The following MGST1 variants were observed in gnomAD, a reference collection of about 807,000 sequenced individuals.
MGST1 encodes glutathione S-transferase 12.
Under a neutral mutation model 8.9 loss-of-function variants are expected in MGST1, and 5 were observed. That is an observed-to-expected ratio of 0.56 (90% confidence interval 0.29 to 1.19). The LOEUF is 1.19. MGST1 is among the 50% of genes most tolerant of loss of function. MGST1 has a pLI of 0.08. For synonymous variants in MGST1, 54 were observed against 67.8 expected (o/e 0.80, Z 1.00); for missense variants, 182 against 187.4 (o/e 0.97, Z 0.17).
chr12:16,564,758 A>G (rs1942531475), intron 4 of MGST1, among the ~76,000 whole-genome samples: 2 of 152,204 alleles, frequency 1.3e-5, no homozygotes, highest in African/African-American at 2.4e-5. Context: ...TAGTCAAGCA[A>G]TCCTCATTTA....
chr12:16,521,322 G>A, intron 4 of MGST1, among the ~76,000 whole-genome samples: 1 of 152,046 alleles, frequency 6.6e-6, no homozygotes, highest in East Asian at 1.9e-4. Flanking sequence ...GAAGTACAAT[G>A]TTTTGAACTT....
At chr12:16,432,774 C>T (rs1182228493) in intron 1 of MGST1, among the ~76,000 whole-genome samples, 1 of 147,696 alleles carries the variant, frequency 6.8e-6, no homozygotes, top group Non-Finnish European at 1.5e-5. Flanking sequence ...GGAAAAGAAT[C>T]AATAGGCTGT....
At chr12:16,480,703 A>G (rs1941358269) in intron 4 of MGST1, among the ~76,000 whole-genome samples, 5 of 152,174 alleles carry the variant, frequency 3.3e-5, no homozygotes, top group Admixed American at 3.3e-4. Context: ...TCTGTAAGGG[A>G]TCAGGTAGTA....
At chr12:16,418,172 A>C (rs1940802643) in intron 1 of MGST1, among the ~76,000 whole-genome samples, 1 of 152,200 alleles carries the variant, frequency 6.6e-6, no homozygotes, top group Non-Finnish European at 1.5e-5. Flanking sequence ...ACACTTAATC[A>C]TCAAAACAAC....
chr12:16,446,595 A>T (rs1020066235), intron 4 of MGST1, among the ~76,000 whole-genome samples: 4 of 151,850 alleles, frequency 2.6e-5, no homozygotes, highest in African/African-American at 9.7e-5. Context: ...CAACCTTACC[A>T]GTCCTGTGTT....
intron 4 of MGST1, among the ~76,000 whole-genome samples, chr12:16,448,462 C>T (rs946406158): frequency 4.0e-5 from 6 of 151,548 alleles, no homozygotes; most frequent in Non-Finnish European, 5.9e-5. Flanking sequence ...ATGATGCACA[C>T]GAGATTATCA....
chr12:16,504,599 T>A (rs1166956690), intron 4 of MGST1, among the ~76,000 whole-genome samples: 1 of 152,146 alleles, frequency 6.6e-6, no homozygotes, highest in African/African-American at 2.4e-5. Context: ...ATAAAGCTAA[T>A]GGGGAGATTA....
chr12:16,356,454 A>T (rs1246397185), intron 2 of MGST1, among the ~76,000 whole-genome samples: 1 of 152,142 alleles, frequency 6.6e-6, no homozygotes, highest in African/African-American at 2.4e-5. Flanking sequence ...TGTTGAGGAA[A>T]ACTGATGGGC....
rs969680982 is a variant in MGST1 at position 16,362,151 on chromosome 12, A to G, written c.222-1644A>G. 2.6e-5 allele frequency among the ~76,000 whole-genome samples: 4 copies of G among 152,186 alleles called. No homozygotes were observed. The highest frequency in any genetic ancestry group is 6.5e-5 in the Admixed American group (1 of 15,280). ...TCTGTGATGCTGGGGGAGAAATCAC[A>G]GGGGCAAAACAAATACTCTAGGTGT... On this transcript the variant is annotated intron_variant, in intron 3 of 3. Transcript: ENST00000396210. This position sits in a 1 kb window ranked among gnomAD's most constrained non-coding sequence, Gnocchi z 4.4.
rs1219044115 is a variant in MGST1 at position 16,555,173 on chromosome 12, T to TGA, written n.483-34355_483-34354insGA. Among the ~76,000 whole-genome samples the TGA allele has an allele frequency of 6.6e-6, 1 of 152,246 alleles. No homozygotes were observed. Among genetic ancestry groups the TGA allele is most frequent in the African/African-American group, 2.4e-5 (1 of 41,468 alleles). On this transcript the variant is annotated intron_variant and non_coding_transcript_variant, in intron 4 of 4. Coordinates refer to the MGST1 transcript ENST00000538857. This position sits in a 1 kb window ranked among gnomAD's most constrained non-coding sequence, Gnocchi z 5.5. ...ACTTTATCAGAATTTGCTATCATTA[T>TGA]TATTTGGTAATGATAATCTTTTCAC...
intron 4 of MGST1, among the ~76,000 whole-genome samples, chr12:16,496,992 T>C (rs529092690): frequency 6.6e-6 from 1 of 152,260 alleles, no homozygotes; most frequent in South Asian, 2.1e-4. Flanking sequence ...AGCTATTAAT[T>C]GGCACTGCTA....
At chr12:16,480,350 C>T (rs1941356440) in intron 4 of MGST1, among the ~76,000 whole-genome samples, 1 of 151,832 alleles carries the variant, frequency 6.6e-6, no homozygotes, top group Non-Finnish European at 1.5e-5. Flanking sequence ...ACCATGTTGG[C>T]CAGGATGGTC....
At chr12:16,507,950 A>T (rs1264281381) in intron 4 of MGST1, among the ~76,000 whole-genome samples, 1 of 152,158 alleles carries the variant, frequency 6.6e-6, no homozygotes, top group Non-Finnish European at 1.5e-5. Flanking sequence ...ACATTCTTTC[A>T]TGTGCCCTCT....
At chr12:16,569,652 A>T (rs866340368) in intron 4 of MGST1, among the ~76,000 whole-genome samples, 1 of 152,210 alleles carries the variant, frequency 6.6e-6, no homozygotes, top group Non-Finnish European at 1.5e-5. Context: ...TTGTACCAAC[A>T]TTTCATAGAA....
In MGST1 at chr12:16,364,181, A is replaced by C. The variant is rs571946145; in HGVS notation, c.*140A>C. The C allele has an allele frequency of 9.4e-5, 129 of 1,368,796 alleles. 1 individual carries two copies. In the African/African-American group the frequency reaches 1.7e-3, roughly 18 times the overall value. The allele number at this position is 1,368,796 out of a possible 1,614,324, so 84.8% of individuals were successfully genotyped here. ...GGGTAAACCCATTTTGAATATTAGC[A>C]TTGCCAATATCCTGTATTCTTGTTT... On this transcript the variant is annotated 3_prime_UTR_variant, in exon 4 of 4. Transcript: ENST00000396210. This position sits in a 1 kb window ranked among gnomAD's most constrained non-coding sequence, Gnocchi z 5.7.
intron 4 of MGST1, among the ~76,000 whole-genome samples, chr12:16,522,869 A>C (rs1016091501): frequency 1.3e-5 from 2 of 152,044 alleles, no homozygotes; most frequent in African/African-American, 4.8e-5. Flanking sequence ...GTTTCCCTTA[A>C]AGGTAATCAA....
chr12:16,483,195 G>A (rs1164998879), intron 4 of MGST1, among the ~76,000 whole-genome samples: 1 of 152,120 alleles, frequency 6.6e-6, no homozygotes, highest in Non-Finnish European at 1.5e-5. Context: ...TAGTGTGTCA[G>A]TATAATATTC....
At chr12:16,552,215 ACT>A (rs1351759439) in intron 4 of MGST1, among the ~76,000 whole-genome samples, 4 of 151,976 alleles carry the variant, frequency 2.6e-5, no homozygotes, top group Non-Finnish European at 5.9e-5. Context: ...CAATAAAGTA[ACT>A]CTGGGGAGAT....
At position 16,354,565 on chromosome 12, in the gene MGST1, A is replaced by G. The variant is rs192995171; in HGVS notation, c.126+187A>G. ...TTATGGAACAGTTGCTTTCTCCTAG[A>G]AACTAGTAAATGGTTTTTTCATTAT... On this transcript the variant is annotated intron_variant, in intron 2 of 3. Transcript: ENST00000396210. The G allele has an allele frequency of 1.5e-4, 68 of 443,554 alleles. 1 individual carries two copies. The Admixed American group carries it at 2.5e-3, about 17-fold the overall frequency. The allele number at this position is 443,554 out of a possible 1,614,324, so 27.5% of individuals were successfully genotyped here.
Sources: allele counts gnomAD v4.1 joint callset (sites outside exome capture counted in the v4.1 genomes callset), GRCh38; gene constraint gnomAD v4.1.1; non-coding constraint Gnocchi (gnomAD v3.1); transcripts MANE v1.5; gene names NCBI Gene and HGNC (gene_info 2026-07-23, HGNC 2026-07-21).